Variants in PSME4 observed in about 807,000 individuals in gnomAD.
The protein encoded by PSME4 is proteasome activator subunit 4, also known as proteasome activator complex subunit 4.
In PSME4, 89 loss-of-function variants were observed where a neutral mutation model predicts 253.9. That is an observed-to-expected ratio of 0.35 (90% CI 0.30 to 0.42). PSME4 has a LOEUF of 0.42. PSME4 is among the 10% of genes least tolerant of loss of function. PSME4 has a pLI of 1.00. For missense variants in PSME4, 2,014 were observed against 2,195.2 expected (o/e 0.92, Z 1.65); for synonymous variants, 851 against 759.2 (o/e 1.12, Z -1.99).
chr2:53,932,272 T>G (rs1668867807), intron 9 of PSME4, among the ~76,000 whole-genome samples, 172 bp from the exon 10 acceptor site: 1 of 152,140 alleles, frequency 6.6e-6, no homozygotes, highest in South Asian at 2.1e-4. Flanking sequence ...AATTAATTAT[T>G]CCTAATAATT....
intron 43 of PSME4, among the ~76,000 whole-genome samples, chr2:53,873,069 T>G (rs1018198590): frequency 4.0e-5 from 6 of 151,166 alleles, no homozygotes; most frequent in Non-Finnish European, 8.8e-5. Flanking sequence ...TGAAACCCCG[T>G]CTCTACTAAA....
intron 44 of PSME4, 29 bp from the exon 45 acceptor site, chr2:53,866,909 A>AAT (rs747317030): frequency 3.6e-5 from 58 of 1,606,084 alleles, no homozygotes; most frequent in Non-Finnish European, 4.6e-5. Context: ...CATTTGTGCA[A>AAT]ATATATATAT....
rs1679692389 is a variant in PSME4 at position 53,887,466 on chromosome 2, C to A, written c.4522G>T (p.Val1508Leu). The change falls in exon 40 of 47, where the codon GTG becomes TTG. Residue 1508 changes from valine to leucine, a missense_variant and splice_region_variant. Physicochemically the swap from Val to Leu is conservative, Grantham distance 32 (BLOSUM62 1). This residue lies in a region of PSME4 where 403 missense variants were observed against 556.1 expected (regional missense o/e 0.72). Transcript: ENST00000404125. ...TCTATCATGAATATGTAGGTCAGCA[C>A]ACTGCAAAATAAAATACTTAATAAT... ...YKNVRERIGS[V>L]LTYIFMIDVS... is the part of the protein sequence containing the mutation. 6.8e-6 allele frequency: 11 copies of A among 1,608,998 alleles called. No homozygotes were observed. Among genetic ancestry groups the A allele is most frequent in the Non-Finnish European group, 9.4e-6 (11 of 1,176,342 alleles).
At position 53,908,384 on chromosome 2, in the gene PSME4, T is replaced by C; in HGVS notation, c.2720A>G (p.His907Arg). The change falls in exon 24 of 47, where the codon CAC becomes CGC. Residue 907 changes from histidine to arginine, a missense_variant. This residue lies in a region of PSME4 where 989 missense variants were observed against 1,021.1 expected (regional missense o/e 0.97). Coordinates refer to ENST00000404125, the MANE Select transcript of PSME4 (RefSeq NM_014614.3). ...IGDLLQFQGSHKHEFDSRWKS... is the reference protein window; with the variant it reads ...IGDLLQFQGSRKHEFDSRWKS... The stretch of plus-strand genomic sequence containing the variant: ...CCATCGGGAGTCAAATTCATGCTTG[T>C]GAGATCCTTGGAATTGTAAAAGGTC... 6.2e-7 allele frequency: 1 copy of C among 1,613,262 alleles called. No homozygotes were observed. The highest frequency in any genetic ancestry group is 8.5e-7 in the Non-Finnish European group (1 of 1,179,574).
At chr2:53,928,964 G>C (rs1348704785) in intron 10 of PSME4, among the ~76,000 whole-genome samples, 2 of 152,064 alleles carry the variant, frequency 1.3e-5, no homozygotes, top group African/African-American at 2.4e-5. Flanking sequence ...TCAGGAGTTT[G>C]AGACCAGCCT....
intron 20 of PSME4, 43 bp downstream of exon 20, chr2:53,919,108 A>G (rs773754431): frequency 2.4e-5 from 37 of 1,559,706 alleles, no homozygotes; most frequent in Non-Finnish European, 2.8e-5. Context: ...AGTGACTAAG[A>G]CTTAAAATAT....
At chr2:53,945,660 T>C (rs1669667635) in intron 3 of PSME4, among the ~76,000 whole-genome samples, 1 of 152,228 alleles carries the variant, frequency 6.6e-6, no homozygotes, top group South Asian at 2.1e-4. Context: ...CTCTAAGCAG[T>C]GATTTCAATA....
Position 53,956,632 on chromosome 2 carries a change from G to A in PSME4, c.243-7349C>T, listed in dbSNP as rs984467356. Among the ~76,000 whole-genome samples the A allele has an allele frequency of 4.6e-5, 7 of 151,768 alleles. No individual in the cohort carries two copies. The South Asian group carries it at 1.5e-3, about 32-fold the overall frequency. ...CTGTTGCCCAAGCTGGAGTGCAGTG[G>A]CCCAATCTCAGCTCACTGCAACGTC... On this transcript the variant is annotated intron_variant, in intron 1 of 46. Transcript: ENST00000404125.
chr2:53,938,355 C>G (rs2104465897), intron 4 of PSME4, among the ~76,000 whole-genome samples: 1 of 152,208 alleles, frequency 6.6e-6, no homozygotes, highest in South Asian at 2.1e-4. Context: ...TATTCCATAA[C>G]TGTATGATAT....
At chr2:53,889,430 GA>G (rs769045146) in intron 37 of PSME4, among the ~76,000 whole-genome samples, 7 of 149,846 alleles carry the variant, frequency 4.7e-5, no homozygotes, top group East Asian at 3.9e-4. Context: ...ATAATGACAA[GA>G]AAAAAAAAAT....
chr2:53,934,860 G>A (rs1009164264), intron 7 of PSME4, 133 bp from the exon 8 acceptor site: 1 of 684,438 alleles, frequency 1.5e-6, no homozygotes, highest in Non-Finnish European at 2.3e-6. Context: ...AAATTACATA[G>A]TATTTAGTAA....
chr2:53,900,788 A>G (rs1202826187), intron 28 of PSME4, among the ~76,000 whole-genome samples: 6 of 152,306 alleles, frequency 3.9e-5, no homozygotes, highest in South Asian at 2.1e-4. Flanking sequence ...GATGTCAACC[A>G]TAGTCACGCC....
intron 4 of PSME4, among the ~76,000 whole-genome samples, chr2:53,938,775 T>C (rs933248252): frequency 3.9e-5 from 6 of 152,238 alleles, no homozygotes; most frequent in East Asian, 1.9e-4. Flanking sequence ...CAATCTTCTA[T>C]GTGAAAAATA....
intron 44 of PSME4, 93 bp from the exon 45 acceptor site, chr2:53,866,973 T>C (rs1198316538): frequency 1.6e-6 from 2 of 1,235,684 alleles, no homozygotes; most frequent in Non-Finnish European, 2.2e-6. Context: ...TTGTGTTGTT[T>C]TCAATATGTG....
chr2:53,945,330 T>C (rs1205919007), intron 3 of PSME4, among the ~76,000 whole-genome samples: 1 of 152,214 alleles, frequency 6.6e-6, no homozygotes, highest in Non-Finnish European at 1.5e-5. Context: ...ATAATTCTTA[T>C]ATCGCTAACA....
At chr2:53,946,057 T>G (rs1373085584) in intron 3 of PSME4, among the ~76,000 whole-genome samples, 1 of 152,152 alleles carries the variant, frequency 6.6e-6, no homozygotes, top group East Asian at 1.9e-4. Context: ...AGAGACATGG[T>G]AAACATAATC....
intron 19 of PSME4, among the ~76,000 whole-genome samples, chr2:53,919,922 TAC>T (rs1668221401): frequency 6.6e-6 from 1 of 152,136 alleles, no homozygotes. Context: ...GAGGCATATC[TAC>T]ACACACCTTC....
At chr2:53,906,121 G>A (rs1558669944) in intron 26 of PSME4, among the ~76,000 whole-genome samples, 2 of 152,246 alleles carry the variant, frequency 1.3e-5, no homozygotes, top group East Asian at 3.9e-4. Context: ...TGTGCTTGCA[G>A]ATAATCTCTT....
intron 1 of PSME4, among the ~76,000 whole-genome samples, chr2:53,958,468 G>T (rs1217127098): frequency 6.6e-6 from 1 of 152,082 alleles, no homozygotes; most frequent in Admixed American, 6.6e-5. Flanking sequence ...TTATGATACA[G>T]TGTAAATCAG....
Sources: gnomAD v4.1 joint callset for allele counts (sites outside exome capture counted in the v4.1 genomes callset) on GRCh38, gnomAD v4.1.1 for gene constraint, gnomAD v4.1.1 regional missense constraint, MANE v1.5 for transcripts, NCBI Gene and HGNC (gene_info 2026-07-23, HGNC 2026-07-21) for gene names.